FGL1: variants seen among roughly 807,000 people sequenced by gnomAD.
FGL1 encodes fibrinogen-like protein 1.
FGL1 carries 59 observed loss-of-function variants against 43.7 expected under a neutral mutation model. That is an observed-to-expected ratio of 1.35 (90% CI 1.10 to 1.68). The LOEUF is 1.68. Among genes scored for constraint, FGL1 ranks in the 40% most tolerant of loss-of-function variants. The pLI is 0.00. For missense variants in FGL1, 596 were observed against 373.0 expected, an observed-to-expected ratio of 1.60 and a Z score of -4.92; for synonymous variants, 192 against 126.5, an observed-to-expected ratio of 1.52 and a Z score of -3.48.
intron 5 of FGL1, among the ~76,000 whole-genome samples, 193 bp from the exon 6 acceptor site, chr8:17,869,197 A>C (rs1308489822): frequency 1.3e-5 from 2 of 152,254 alleles, no homozygotes; most frequent in Non-Finnish European, 2.9e-5. Context: ...ATTTGAAAAA[A>C]AATGATGGAT....
In FGL1 at chr8:17,867,874, T is replaced by G. The variant is rs558531342; in HGVS notation, c.779+674A>C. Among the ~76,000 whole-genome samples, 6 of 152,254 alleles carry G rather than the reference T, an allele frequency of 3.9e-5. No homozygotes were observed. In the East Asian group the frequency reaches 9.7e-4, roughly 25 times the overall value. On this transcript the variant is annotated intron_variant, in intron 7 of 7. Transcript: ENST00000427924. ...CACATGAGGCCAGGAGTTCGAGACC[T>G]GCCTGGGCAACATGGCAAAACCCCA...
intron 5 of FGL1, among the ~76,000 whole-genome samples, chr8:17,872,905 T>C (rs917595773): frequency 6.6e-6 from 1 of 152,154 alleles, no homozygotes; most frequent in East Asian, 1.9e-4. Flanking sequence ...AAAAGATGGA[T>C]TGATGGACGG....
intron 1 of FGL1, among the ~76,000 whole-genome samples, chr8:17,890,346 C>A (rs373869963): frequency 2.0e-5 from 3 of 152,186 alleles, no homozygotes; most frequent in African/African-American, 7.2e-5. Flanking sequence ...TTTACATAAT[C>A]TGTGAGCATC....
In FGL1 at chr8:17,874,565, T is replaced by G. The variant is rs2653405; in HGVS notation, c.245-44A>C. On this transcript the variant is annotated intron_variant, in intron 3 of 7. Coordinates refer to ENST00000427924, the MANE Select transcript of FGL1 (RefSeq NM_004467.4). ...AATGTAACATTCATTATGTGTCTTT[T>G]TCTCCCCCCGCCTTAGGGAGCCTCT... 8,340 of 1,529,386 alleles carry G rather than the reference T, an allele frequency of 5.5e-3. 45 individuals carry two copies. The highest frequency in any genetic ancestry group is 0.024 in the Middle Eastern group (139 of 5,770). 94.7% of individuals were successfully genotyped at this position (1,529,386 alleles called of 1,614,324 possible). A position where few individuals can be genotyped will look rare whatever the true frequency, so the allele number is the denominator to read the frequency against.
Position 17,875,481 on chromosome 8 carries a change from C to CTCTTTCTTTCTT in FGL1, c.245-972_245-961dup, listed in dbSNP as rs1172572579. ...CCCCTTTGTCACCAAAAAGTGATAT[C>CTCTTTCTTTCTT]TCTTTCTTTCTTTCTTTCTTTCTTT... On this transcript the variant is annotated intron_variant, in intron 3 of 7. Transcript: ENST00000427924. Among the ~76,000 whole-genome samples the CTCTTTCTTTCTT allele has an allele frequency of 6.2e-3, 809 of 129,652 alleles. 31 individuals carry two copies. Among genetic ancestry groups the CTCTTTCTTTCTT allele is most frequent in the East Asian group, 9.2e-3 (38 of 4,138 alleles). 85.1% of individuals were successfully genotyped at this position (129,652 alleles called of 152,430 possible). A position where few individuals can be genotyped will look rare whatever the true frequency, so the allele number is the denominator to read the frequency against.
Position 17,895,470 on chromosome 8 carries a change from AC to A in FGL1, c.-42del, listed in dbSNP as rs2129442609. ...GCCTAAAGTCAGAAGTGAGTCAGAG[AC>A]CCAGCTCAGGTTCCATCCAGACACT... On this transcript the variant is annotated 5_prime_UTR_variant, in exon 1 of 8. An upstream open reading frame in the 5' UTR loses its in-frame stop. Transcript: ENST00000427924. 1 of 1,283,474 alleles carries A rather than the reference AC, an allele frequency of 7.8e-7. No homozygotes were observed. Among genetic ancestry groups the A allele is most frequent in the African/African-American group, 1.5e-5 (1 of 65,830 alleles). The allele number at this position is 1,283,474 out of a possible 1,614,324, so 79.5% of individuals were successfully genotyped here.
intron 1 of FGL1, among the ~76,000 whole-genome samples, chr8:17,890,198 C>T (rs1294771759): frequency 6.6e-6 from 1 of 152,156 alleles, no homozygotes; most frequent in Non-Finnish European, 1.5e-5. Context: ...AATCATTTCT[C>T]ACCACCTCTA....
At chr8:17,884,616 A>G (rs2053600819) in intron 2 of FGL1, among the ~76,000 whole-genome samples, 1 of 152,190 alleles carries the variant, frequency 6.6e-6, no homozygotes, top group African/African-American at 2.4e-5. Context: ...AACAGCAAGA[A>G]CATTTTATGG....
intron 3 of FGL1, among the ~76,000 whole-genome samples, chr8:17,879,315 T>G (rs2053501019): frequency 6.6e-6 from 1 of 152,080 alleles, no homozygotes; most frequent in Admixed American, 6.6e-5. Flanking sequence ...GCCTTATTCC[T>G]TGGTGACCCC....
chr8:17,877,171 C>A (rs1015733987), intron 3 of FGL1, among the ~76,000 whole-genome samples: 1 of 151,682 alleles, frequency 6.6e-6, no homozygotes, highest in African/African-American at 2.4e-5. Context: ...CTGACCCACT[C>A]AACTCCCTGG....
At position 17,875,547 on chromosome 8, in the gene FGL1, T is replaced by TCTCTC. The variant is rs1563452433; in HGVS notation, c.245-1027_245-1026insGAGAG. On this transcript the variant is annotated intron_variant, in intron 3 of 7. Transcript: ENST00000427924. ...TCTTTCTTTCTTTCTCTTTCTTTCT[T>TCTCTC]TCTTTCTTTCTTTCTTTCTTTCTTT... 6.1e-4 allele frequency among the ~76,000 whole-genome samples: 10 copies of TCTCTC among 16,268 alleles called. 1 individual carries two copies. The highest frequency in any genetic ancestry group is 1.7e-3 in the South Asian group (1 of 600). 10.7% of individuals were successfully genotyped at this position (16,268 alleles called of 152,430 possible).
At chr8:17,869,780 T>G (rs2053329425) in intron 5 of FGL1, among the ~76,000 whole-genome samples, 1 of 152,194 alleles carries the variant, frequency 6.6e-6, no homozygotes, top group African/African-American at 2.4e-5. Flanking sequence ...AAAAAGGTAT[T>G]TCTGAAGAAC....
intron 5 of FGL1, among the ~76,000 whole-genome samples, chr8:17,872,378 C>G (rs1450518532): frequency 1.3e-5 from 2 of 150,996 alleles, no homozygotes; most frequent in African/African-American, 4.9e-5. Context: ...TCTTGGCTCA[C>G]TGCAACCTCC....
intron 1 of FGL1, among the ~76,000 whole-genome samples, chr8:17,889,086 G>C (rs951325596): frequency 1.3e-5 from 2 of 152,136 alleles, no homozygotes; most frequent in African/African-American, 4.8e-5. Flanking sequence ...ATAAAAATGA[G>C]CTAGCCATTC....
chr8:17,887,775 C>T (rs2053650948), intron 1 of FGL1, among the ~76,000 whole-genome samples: 1 of 151,254 alleles, frequency 6.6e-6, no homozygotes, highest in African/African-American at 2.4e-5. Context: ...GTGGAGGTTG[C>T]AGTGAGCCGA....
chr8:17,875,148 A>T (rs1451726801), intron 3 of FGL1, among the ~76,000 whole-genome samples: 1 of 152,190 alleles, frequency 6.6e-6, no homozygotes, highest in Non-Finnish European at 1.5e-5. Flanking sequence ...GACATCTGAA[A>T]ATGAACCCAA....
At chr8:17,878,061 A>G (rs1254247963) in intron 3 of FGL1, among the ~76,000 whole-genome samples, 2 of 152,096 alleles carry the variant, frequency 1.3e-5, no homozygotes, top group Non-Finnish European at 2.9e-5. Context: ...AACTTCTGCA[A>G]TCCTCCTGCC....
At chr8:17,865,806 A>G (rs1394552169) in intron 7 of FGL1, among the ~76,000 whole-genome samples, 3 of 152,234 alleles carry the variant, frequency 2.0e-5, no homozygotes. Context: ...CTGAACATCT[A>G]TGGAAAAACC....
intron 3 of FGL1, among the ~76,000 whole-genome samples, chr8:17,879,181 T>C (rs1192873444): frequency 6.6e-6 from 1 of 151,906 alleles, no homozygotes; most frequent in Non-Finnish European, 1.5e-5. Context: ...ATTATAACAG[T>C]ATTATATTTA....
Sources: gnomAD v4.1 joint callset for allele counts (sites outside exome capture counted in the v4.1 genomes callset) on GRCh38, gnomAD v4.1.1 for gene constraint, MANE v1.5 for transcripts, NCBI Gene and HGNC (gene_info 2026-07-23, HGNC 2026-07-21) for gene names.